ADAM23: variants seen among roughly 807,000 people sequenced by gnomAD.
The protein encoded by ADAM23 is ADAM metallopeptidase domain 23.
ADAM23 carries 33 observed loss-of-function variants against 120.1 expected under a neutral mutation model. The ratio of observed to expected loss-of-function variants is 0.27; its 90% CI spans 0.21 to 0.37. The LOEUF is 0.37. ADAM23 is among the 10% of genes least tolerant of loss of function. The pLI, the probability that ADAM23 is intolerant of heterozygous loss-of-function variation, is 1.00. For synonymous variants in ADAM23, 367 were observed against 375.2 expected (o/e 0.98, Z 0.25); for missense variants, 862 against 1,058.2 (o/e 0.81, Z 2.57).
intron 24 of ADAM23, 37 bp from the exon 25 acceptor site, chr2:206,609,873 G>A (rs1698795851): frequency 1.9e-6 from 3 of 1,563,046 alleles, no homozygotes; most frequent in Non-Finnish European, 2.6e-6. Context: ...AAAGTGGTTG[G>A]TTCATATGAC....
At chr2:206,605,553 A>G (rs1325951556) in intron 24 of ADAM23, among the ~76,000 whole-genome samples, 1 of 152,262 alleles carries the variant, frequency 6.6e-6, no homozygotes, top group Admixed American at 6.5e-5. Flanking sequence ...TGTATTTATA[A>G]GTACGTATAA....
At chr2:206,491,384 A>G (rs1696131546) in intron 3 of ADAM23, among the ~76,000 whole-genome samples, 1 of 152,200 alleles carries the variant, frequency 6.6e-6, no homozygotes, top group Non-Finnish European at 1.5e-5. Flanking sequence ...CAAAATCAAA[A>G]GAATTTAATT....
intron 12 of ADAM23, 52 bp downstream of exon 12, chr2:206,561,264 T>G: frequency 6.8e-7 from 1 of 1,473,856 alleles, no homozygotes; most frequent in Non-Finnish European, 9.5e-7. Context: ...CTTTTTTCCC[T>G]ATGGCCCAGT....
chr2:206,474,951 C>T (rs10166343), intron 2 of ADAM23, among the ~76,000 whole-genome samples: 2,577 of 152,166 alleles, frequency 0.017, 34 homozygotes, highest in African/African-American at 0.025. Context: ...TTTTATTGAC[C>T]GGAAAACATT....
chr2:206,513,333 A>G (rs1696664792), intron 3 of ADAM23, among the ~76,000 whole-genome samples: 9 of 152,134 alleles, frequency 5.9e-5, no homozygotes, highest in Admixed American at 5.9e-4. Flanking sequence ...CACAGGAATG[A>G]TAAGAAAGTG....
chr2:206,569,318 A>G (rs1403217916), intron 15 of ADAM23, among the ~76,000 whole-genome samples: 1 of 152,212 alleles, frequency 6.6e-6, no homozygotes, highest in Non-Finnish European at 1.5e-5. Flanking sequence ...ACTATAAATC[A>G]TCTATTTTTT....
intron 3 of ADAM23, among the ~76,000 whole-genome samples, chr2:206,503,237 G>A (rs146617952): frequency 5.5e-4 from 84 of 152,150 alleles, no homozygotes; most frequent in Admixed American, 2.4e-3. Flanking sequence ...TCTCATATTT[G>A]TTTTTGGGAT....
intron 2 of ADAM23, among the ~76,000 whole-genome samples, chr2:206,461,304 C>T (rs953892222): frequency 2.0e-5 from 3 of 152,088 alleles, no homozygotes; most frequent in African/African-American, 7.2e-5. Flanking sequence ...TCAAGTGACC[C>T]ACCTGCCTTG....
intron 18 of ADAM23, among the ~76,000 whole-genome samples, chr2:206,584,822 AC>A (rs1698290172): frequency 6.6e-6 from 1 of 152,012 alleles, no homozygotes; most frequent in Non-Finnish European, 1.5e-5. Context: ...GTGGAGTTTT[AC>A]CCCCTGCTCC....
At chr2:206,532,625 C>G (rs187068291) in intron 4 of ADAM23, among the ~76,000 whole-genome samples, 238 of 152,096 alleles carry the variant, frequency 1.6e-3, no homozygotes, top group Middle Eastern at 0.01. Context: ...TTATGTACAT[C>G]AGAAAAACCC....
chr2:206,617,753 A>T lies in ADAM23; in HGVS notation c.*126A>T, dbSNP rs1272527834. On this transcript the variant is annotated 3_prime_UTR_variant, in exon 26 of 26. Transcript: ENST00000264377. Reference sequence around the variant, plus strand: ...TTGGGTGGTAATGACTACGGAGCTAAAGTTGGGGTGACAAGGATGGGGTAA... The same window carrying T: ...TTGGGTGGTAATGACTACGGAGCTATAGTTGGGGTGACAAGGATGGGGTAA... 6.7e-7 allele frequency: 1 copy of T among 1,501,108 alleles called. No individual in the cohort carries two copies. 93.0% of individuals were successfully genotyped at this position (1,501,108 alleles called of 1,614,324 possible). A position where few individuals can be genotyped will look rare whatever the true frequency, so the allele number is the denominator to read the frequency against.
chr2:206,524,615 G>A (rs981085141), intron 3 of ADAM23, among the ~76,000 whole-genome samples: 2 of 152,252 alleles, frequency 1.3e-5, no homozygotes, highest in Non-Finnish European at 2.9e-5. Context: ...GGAAGGTGAA[G>A]GGTATGTCTT....
At chr2:206,561,823 TA>T (rs1247718236) in intron 12 of ADAM23, among the ~76,000 whole-genome samples, 1 of 152,358 alleles carries the variant, frequency 6.6e-6, no homozygotes, top group East Asian at 1.9e-4. Context: ...AGCCTACAAT[TA>T]GCCTGGAATA....
intron 2 of ADAM23, among the ~76,000 whole-genome samples, chr2:206,447,838 A>G (rs916615894): frequency 6.6e-6 from 1 of 152,162 alleles, no homozygotes; most frequent in Admixed American, 6.5e-5. Flanking sequence ...TGCCTTTCTC[A>G]TGGATCCCTA....
At chr2:206,463,393 C>A (rs1695467533) in intron 2 of ADAM23, among the ~76,000 whole-genome samples, 1 of 152,286 alleles carries the variant, frequency 6.6e-6, no homozygotes, top group East Asian at 1.9e-4. Flanking sequence ...AGGAAACAGG[C>A]TCTTCCCTAG....
intron 24 of ADAM23, chr2:206,606,976 A>G (rs996390163): frequency 6.6e-6 from 1 of 152,196 alleles, no homozygotes; most frequent in African/African-American, 2.4e-5. Flanking sequence ...GTTTTTCTAT[A>G]GTCCCATTAG....
At chr2:206,527,159 A>G (rs1696962327) in intron 3 of ADAM23, among the ~76,000 whole-genome samples, 1 of 152,236 alleles carries the variant, frequency 6.6e-6, no homozygotes, top group Non-Finnish European at 1.5e-5. Flanking sequence ...GTTTGCCCAC[A>G]AGTTGTTAGC....
At chr2:206,589,347 T>G (rs1268049165) in intron 20 of ADAM23, 62 bp from the exon 21 acceptor site, 2 of 1,416,828 alleles carry the variant, frequency 1.4e-6, no homozygotes, top group South Asian at 2.6e-5. Context: ...ACTGGCACAC[T>G]ACTGGTTATG....
intron 3 of ADAM23, among the ~76,000 whole-genome samples, chr2:206,521,932 G>A (rs191827484): frequency 1.4e-4 from 22 of 152,280 alleles, no homozygotes; most frequent in Non-Finnish European, 2.6e-4. Context: ...ATTTTCTAAA[G>A]TGATGGGGGA....
Sources: allele counts gnomAD v4.1 joint callset (sites outside exome capture counted in the v4.1 genomes callset), GRCh38; gene constraint gnomAD v4.1.1; transcripts MANE v1.5; gene names NCBI Gene and HGNC (gene_info 2026-07-23, HGNC 2026-07-21).